RSRC1: variants seen among roughly 807,000 people sequenced by gnomAD.
RSRC1 encodes the protein arginine and serine rich coiled-coil 1, also known as serine/Arginine-related protein 53.
Under a neutral mutation model 49.1 loss-of-function variants are expected in RSRC1, and 39 were observed. The observed-to-expected ratio is 0.79, with a 90% CI of 0.61 to 1.04. The LOEUF is 1.04. Among genes scored for constraint, RSRC1 ranks in the 50% least tolerant of loss-of-function variants. RSRC1 has a pLI of 0.00. For missense variants in RSRC1, 388 were observed against 402.4 expected (o/e 0.96, Z 0.31); for synonymous variants, 143 against 130.8 (o/e 1.09, Z -0.63).
chr3:158,458,959 A>T (rs1737482228), intron 6 of RSRC1, among the ~76,000 whole-genome samples: 1 of 152,208 alleles, frequency 6.6e-6, no homozygotes, highest in Non-Finnish European at 1.5e-5. Flanking sequence ...TGAGGAGTTT[A>T]TCCTAAGGAC....
rs145058353 is a variant in RSRC1, at chr3:158,353,035, A to G, written c.532-1822A>G. On this transcript the variant is annotated intron_variant, in intron 5 of 9. Transcript: ENST00000611884. ...CTTACATACATTTTCCCTTAAACAT[A>G]TGACATAAAGTAGTCTTTATTGGTT... Among the ~76,000 whole-genome samples the G allele has an allele frequency of 8.5e-5, 13 of 152,352 alleles. No homozygotes were observed. In the East Asian group the frequency reaches 2.3e-3, roughly 27 times the overall value.
intron 3 of RSRC1, among the ~76,000 whole-genome samples, chr3:158,149,119 G>A (rs1196083828): frequency 6.6e-6 from 1 of 151,912 alleles, no homozygotes; most frequent in East Asian, 1.9e-4. Context: ...CTGTACTTTC[G>A]GTTTACTACT....
At chr3:158,349,230 C>T (rs1355685868) in intron 5 of RSRC1, among the ~76,000 whole-genome samples, 2 of 152,040 alleles carry the variant, frequency 1.3e-5, no homozygotes, top group Non-Finnish European at 2.9e-5. Flanking sequence ...TGTTAACTAA[C>T]GTCTGTTGTT....
intron 7 of RSRC1, among the ~76,000 whole-genome samples, chr3:158,463,496 A>G (rs1345209136): frequency 6.6e-6 from 1 of 152,140 alleles, no homozygotes; most frequent in Non-Finnish European, 1.5e-5. Context: ...GTAAGCCACT[A>G]GTAATTCACT....
chr3:158,193,560 G>A (rs992733923), intron 3 of RSRC1, among the ~76,000 whole-genome samples: 6 of 152,074 alleles, frequency 3.9e-5, no homozygotes, highest in African/African-American at 1.2e-4. Context: ...AAAATAACCC[G>A]TATGTCTATA....
At chr3:158,413,878 C>G (rs901388631) in intron 6 of RSRC1, among the ~76,000 whole-genome samples, 1 of 152,144 alleles carries the variant, frequency 6.6e-6, no homozygotes, top group Non-Finnish European at 1.5e-5. Context: ...CGCTTTCACA[C>G]TGTTGGTGGG....
intron 4 of RSRC1, among the ~76,000 whole-genome samples, chr3:158,212,084 C>T (rs1047139572): frequency 6.6e-6 from 1 of 151,668 alleles, no homozygotes; most frequent in Non-Finnish European, 1.5e-5. Flanking sequence ...GTATTTGTAC[C>T]TAATCTGAAC....
intron 6 of RSRC1, among the ~76,000 whole-genome samples, chr3:158,440,867 A>C (rs1473177703): frequency 6.6e-6 from 1 of 152,014 alleles, no homozygotes; most frequent in African/African-American, 2.4e-5. Context: ...GCTTGAACCC[A>C]GGAGGCAGAG....
At chr3:158,280,996 G>A (rs1408159415) in intron 4 of RSRC1, among the ~76,000 whole-genome samples, 1 of 152,122 alleles carries the variant, frequency 6.6e-6, no homozygotes, top group African/African-American at 2.4e-5. Context: ...GCAACAGGTG[G>A]ATGAGAGTGA....
chr3:158,178,286 A>G (rs1025912294), intron 3 of RSRC1, among the ~76,000 whole-genome samples: 3 of 151,934 alleles, frequency 2.0e-5, no homozygotes, highest in African/African-American at 7.3e-5. Flanking sequence ...CTACAGGTGC[A>G]TGCCACCACG....
At chr3:158,336,076 C>G (rs1296534057) in intron 5 of RSRC1, among the ~76,000 whole-genome samples, 1 of 152,232 alleles carries the variant, frequency 6.6e-6, no homozygotes, top group African/African-American at 2.4e-5. Flanking sequence ...ATGATATGCT[C>G]TGCACTGACA....
At chr3:158,301,647 T>G (rs966451224) in intron 5 of RSRC1, among the ~76,000 whole-genome samples, 1 of 152,202 alleles carries the variant, frequency 6.6e-6, no homozygotes, top group East Asian at 1.9e-4. Context: ...AAGCATACTT[T>G]GAGTAAAACA....
At chr3:158,348,245 G>A (rs1472353482) in intron 5 of RSRC1, among the ~76,000 whole-genome samples, 1 of 152,152 alleles carries the variant, frequency 6.6e-6, no homozygotes, top group Admixed American at 6.5e-5. Flanking sequence ...TGGTGGCCAG[G>A]GGTTTAGGGA....
At chr3:158,463,724 A>G (rs1353233427) in intron 7 of RSRC1, among the ~76,000 whole-genome samples, 2 of 152,116 alleles carry the variant, frequency 1.3e-5, no homozygotes, top group African/African-American at 4.8e-5. Flanking sequence ...TCTTAAATCA[A>G]TAACATAATT....
chr3:158,464,745 T>A (rs1181825987), intron 7 of RSRC1, among the ~76,000 whole-genome samples: 1 of 152,166 alleles, frequency 6.6e-6, no homozygotes, highest in Non-Finnish European at 1.5e-5. Context: ...ATGTTCTAAG[T>A]ATTCTACTTA....
chr3:158,369,017 G>A (rs1402037203), intron 6 of RSRC1, among the ~76,000 whole-genome samples: 1 of 152,020 alleles, frequency 6.6e-6, no homozygotes, highest in Non-Finnish European at 1.5e-5. Context: ...CTAGTTTAGT[G>A]TAACAGAGCT....
chr3:158,178,807 C>G (rs1037920293), intron 3 of RSRC1, among the ~76,000 whole-genome samples: 1 of 152,056 alleles, frequency 6.6e-6, no homozygotes, highest in Non-Finnish European at 1.5e-5. Context: ...TTCCAGTTTG[C>G]TTCTGTTTGT....
chr3:158,478,273 A>G (rs1442699216), intron 7 of RSRC1, among the ~76,000 whole-genome samples: 1 of 151,038 alleles, frequency 6.6e-6, no homozygotes, highest in African/African-American at 2.4e-5. Context: ...TTCTTAAAGG[A>G]TGTTGGACTT....
chr3:158,420,473 G>C (rs1408658807), intron 6 of RSRC1, among the ~76,000 whole-genome samples: 2 of 151,848 alleles, frequency 1.3e-5, no homozygotes, highest in Non-Finnish European at 2.9e-5. Flanking sequence ...AGAGAAATAG[G>C]TCTTGGTTCC....
Sources: gnomAD v4.1 joint callset for allele counts (sites outside exome capture counted in the v4.1 genomes callset) on GRCh38, gnomAD v4.1.1 for gene constraint, MANE v1.5 for transcripts, NCBI Gene and HGNC (gene_info 2026-07-23, HGNC 2026-07-21) for gene names.